Variants in LDB2 observed in about 807,000 individuals in gnomAD.
LDB2 encodes the protein LIM domain-binding protein 2.
A neutral mutation model predicts 44.3 loss-of-function variants in LDB2; 12 were observed. The observed-to-expected ratio is 0.27, with a 90% CI of 0.17 to 0.44. LDB2 has a LOEUF of 0.44. Ranked by LOEUF, LDB2 falls within the 20% of genes least tolerant of loss-of-function variation. LDB2 has a pLI of 1.00. For missense variants in LDB2, 344 were observed against 473.5 expected (o/e 0.73, Z 2.54); for synonymous variants, 164 against 174.8 (o/e 0.94, Z 0.49).
intron 2 of LDB2, among the ~76,000 whole-genome samples, chr4:16,665,219 C>A (rs1301435287): frequency 2.0e-5 from 3 of 150,472 alleles, no homozygotes; most frequent in Non-Finnish European, 3.0e-5. Context: ...TCCAAAAGAT[C>A]AAGCTTCATC....
chr4:16,727,168 C>G (rs922574032), intron 2 of LDB2, among the ~76,000 whole-genome samples: 1 of 152,180 alleles, frequency 6.6e-6, no homozygotes, highest in Non-Finnish European at 1.5e-5. Flanking sequence ...CTGCCAGGGG[C>G]ACGATTCCTG....
chr4:16,872,928 G>A (rs919091025), intron 1 of LDB2, among the ~76,000 whole-genome samples: 1 of 152,140 alleles, frequency 6.6e-6, no homozygotes, highest in African/African-American at 2.4e-5. Flanking sequence ...GATCATTGTC[G>A]GGGAGCCCAC....
chr4:16,715,163 G>A (rs1047495226), intron 2 of LDB2, among the ~76,000 whole-genome samples: 3 of 152,138 alleles, frequency 2.0e-5, no homozygotes, highest in African/African-American at 7.2e-5. Context: ...AATGAGGAAA[G>A]TGAGAGGTTG....
At chr4:16,722,369 A>T (rs1477843029) in intron 2 of LDB2, among the ~76,000 whole-genome samples, 1 of 152,122 alleles carries the variant, frequency 6.6e-6, no homozygotes, top group Non-Finnish European at 1.5e-5. Context: ...CACCTGCTAC[A>T]CTGCCTCTCA....
chr4:16,643,429 C>A (rs1735767946), intron 2 of LDB2, among the ~76,000 whole-genome samples: 1 of 152,156 alleles, frequency 6.6e-6, no homozygotes, highest in Admixed American at 6.5e-5. Flanking sequence ...TAAGACAATG[C>A]AAGTAACACA....
intron 2 of LDB2, among the ~76,000 whole-genome samples, chr4:16,757,801 C>G (rs1766987450): frequency 6.6e-6 from 1 of 152,128 alleles, no homozygotes; most frequent in Non-Finnish European, 1.5e-5. Context: ...CACCCACACA[C>G]CGGAGAGCAA....
intron 1 of LDB2, among the ~76,000 whole-genome samples, chr4:16,812,956 T>C (rs1780183492): frequency 6.6e-6 from 1 of 152,048 alleles, no homozygotes; most frequent in South Asian, 2.1e-4. Context: ...GAGAAAGATG[T>C]TGATGACAGA....
intron 5 of LDB2, among the ~76,000 whole-genome samples, chr4:16,529,029 T>G (rs1220951965): frequency 6.6e-6 from 1 of 152,108 alleles, no homozygotes; most frequent in Non-Finnish European, 1.5e-5. Flanking sequence ...TAAAACTCTT[T>G]TAGAAGCTTA....
intron 2 of LDB2, among the ~76,000 whole-genome samples, chr4:16,758,611 C>T (rs549035189): frequency 1.4e-4 from 22 of 152,258 alleles, no homozygotes; most frequent in Non-Finnish European, 2.6e-4. Flanking sequence ...AGTTATCACT[C>T]GCCTGAAAGA....
intron 5 of LDB2, among the ~76,000 whole-genome samples, chr4:16,549,954 T>C (rs745485439): frequency 3.8e-4 from 58 of 152,216 alleles, no homozygotes; most frequent in Non-Finnish European, 6.5e-4. Flanking sequence ...CCTAGACACG[T>C]GGGTGATCAC....
At chr4:16,865,953 C>A (rs149337100) in intron 1 of LDB2, among the ~76,000 whole-genome samples, 1,995 of 152,294 alleles carry the variant, frequency 0.013, 21 homozygotes, top group Middle Eastern at 0.058. Flanking sequence ...TCCAGTGTTC[C>A]CCTGGAGAAA....
At chr4:16,579,958 A>G (rs1713666896) in intron 5 of LDB2, among the ~76,000 whole-genome samples, 1 of 152,198 alleles carries the variant, frequency 6.6e-6, no homozygotes, top group Non-Finnish European at 1.5e-5. Context: ...GAACTCCCAG[A>G]GCACTGGGGA....
intron 2 of LDB2, among the ~76,000 whole-genome samples, chr4:16,707,286 T>C (rs542910381): frequency 3.3e-5 from 5 of 152,160 alleles, no homozygotes; most frequent in Non-Finnish European, 5.9e-5. Flanking sequence ...ATTATACACA[T>C]TTTGGCAAAT....
chr4:16,844,312 G>C (rs1396408859), intron 1 of LDB2, among the ~76,000 whole-genome samples: 2 of 139,242 alleles, frequency 1.4e-5, no homozygotes, highest in African/African-American at 5.4e-5. Flanking sequence ...AACAGCTGTA[G>C]AAGTAAAAAC....
At chr4:16,580,774 T>C (rs534860338) in intron 5 of LDB2, among the ~76,000 whole-genome samples, 1 of 152,180 alleles carries the variant, frequency 6.6e-6, no homozygotes. Context: ...AAATGGCACA[T>C]TTTACTCAAT....
rs574598740 is a variant in LDB2, at chr4:16,858,922, C to T, written c.132+39432G>A. Among the ~76,000 whole-genome samples, 14 of 152,242 alleles carry T rather than the reference C, an allele frequency of 9.2e-5. No homozygotes were observed. The South Asian group carries it at 2.7e-3, about 29-fold the overall frequency. On this transcript the variant is annotated intron_variant, in intron 1 of 7. Coordinates refer to ENST00000304523, the MANE Select transcript of LDB2 (RefSeq NM_001290.5). ...ATTTTGCTAATTGACACATGATCAG[C>T]CAACTCTCCATGCTTCAAATTAAGA... is the stretch of plus-strand genomic sequence containing the variant.
At chr4:16,837,024 C>A (rs16894066) in intron 1 of LDB2, among the ~76,000 whole-genome samples, 2,785 of 152,246 alleles carry the variant, frequency 0.018, 94 homozygotes, top group African/African-American at 0.064. Context: ...CTTCTGTTCC[C>A]AAAATGGTTG....
At chr4:16,562,554 AG>A (rs1006115439) in intron 5 of LDB2, among the ~76,000 whole-genome samples, 1 of 152,264 alleles carries the variant, frequency 6.6e-6, no homozygotes, top group Non-Finnish European at 1.5e-5. Context: ...GTCATTAAAA[AG>A]TCAGGAAACA....
At chr4:16,583,497 G>A (rs532936725) in intron 5 of LDB2, among the ~76,000 whole-genome samples, 3 of 152,318 alleles carry the variant, frequency 2.0e-5, no homozygotes, top group East Asian at 1.9e-4. Flanking sequence ...TCAGATGGAC[G>A]TGGAGGCTTC....
Sources: allele counts gnomAD v4.1 joint callset (sites outside exome capture counted in the v4.1 genomes callset), GRCh38; gene constraint gnomAD v4.1.1; transcripts MANE v1.5; gene names NCBI Gene and HGNC (gene_info 2026-07-23, HGNC 2026-07-21).